Variants in ZNF350 observed in about 807,000 individuals in gnomAD.
ZNF350 encodes zinc finger protein 350.
ZNF350 carries 5 observed loss-of-function variants against 13.1 expected under a neutral mutation model. The observed-to-expected ratio is 0.38, with a 90% CI of 0.20 to 0.80. The LOEUF (loss-of-function observed/expected upper bound fraction) is 0.80. ZNF350 is among the 30% of genes least tolerant of loss of function. The probability of loss-of-function intolerance (pLI) is 0.43; values close to 1 mark genes in which losing one functional copy is unlikely to be tolerated. For synonymous variants in ZNF350, 199 were observed against 224.2 expected, an observed-to-expected ratio of 0.89 and a Z score of 1.00; for missense variants, 534 against 644.2, an observed-to-expected ratio of 0.83 and a Z score of 1.85.
chr19:51,969,252 T>A (rs1213475372), intron 2 of ZNF350, 121 bp from the exon 3 acceptor site: 13 of 1,171,516 alleles, frequency 1.1e-5, no homozygotes, highest in Non-Finnish European at 1.5e-5. Context: ...GTTTTTTTTT[T>A]AATACAATGT....
At chr19:51,969,653 A>AC (rs1249635724) in intron 2 of ZNF350, among the ~76,000 whole-genome samples, 1 of 151,830 alleles carries the variant, frequency 6.6e-6, no homozygotes, top group Non-Finnish European at 1.5e-5. Flanking sequence ...GCAACATGAG[A>AC]CCCCATCTGT....
chr19:51,972,777 G>A (rs982234169), intron 2 of ZNF350, among the ~76,000 whole-genome samples: 1 of 151,882 alleles, frequency 6.6e-6, no homozygotes, highest in African/African-American at 2.4e-5. Flanking sequence ...TACAGAAGTG[G>A]ATTAGGAAGA....
At chr19:51,975,926 C>A (rs537730093) in intron 1 of ZNF350, among the ~76,000 whole-genome samples, 4 of 152,212 alleles carry the variant, frequency 2.6e-5, no homozygotes, top group Non-Finnish European at 4.4e-5. Context: ...CTCAGCATTC[C>A]ACTGGAGGCT....
At chr19:51,982,678 A>C (rs1031900034) in intron 1 of ZNF350, among the ~76,000 whole-genome samples, 2 of 152,300 alleles carry the variant, frequency 1.3e-5, no homozygotes, top group Middle Eastern at 3.4e-3. Context: ...AATAGCTATA[A>C]ACTTTTTTTT....
intron 4 of ZNF350, 43 bp downstream of exon 4, chr19:51,968,535 A>G (rs1266835140): frequency 6.4e-7 from 1 of 1,563,964 alleles, no homozygotes; most frequent in Non-Finnish European, 8.8e-7. Context: ...CTGACTGTCT[A>G]GAATGTGACT....
chr19:51,974,515 T>G lies in ZNF350; in HGVS notation c.-155A>C, dbSNP rs1392010459. 5.8e-6 allele frequency: 5 copies of G among 864,886 alleles called. No homozygotes were observed. Among genetic ancestry groups the G allele is most frequent in the Non-Finnish European group, 9.1e-6 (5 of 549,382 alleles). 53.6% of individuals were successfully genotyped at this position (864,886 alleles called of 1,614,324 possible). A position where few individuals can be genotyped will look rare whatever the true frequency, so the allele number is the denominator to read the frequency against. On this transcript the variant is annotated 5_prime_UTR_variant, in exon 2 of 5. Coordinates refer to ENST00000243644, the MANE Select transcript of ZNF350 (RefSeq NM_021632.4). Reference sequence around the variant, plus strand: ...TCCCTCTTCAGGTTATGTTTTTTGCTCCTGAGGAGTCAGAACCTGTGGGTT... The same window carrying G: ...TCCCTCTTCAGGTTATGTTTTTTGCGCCTGAGGAGTCAGAACCTGTGGGTT...
intron 1 of ZNF350, among the ~76,000 whole-genome samples, chr19:51,975,429 T>TTAAAAA (rs377330317): frequency 1.1e-5 from 1 of 88,994 alleles, no homozygotes; most frequent in African/African-American, 4.9e-5. Context: ...AACCTCGTCT[T>TTAAAAA]AAAAAAAAAA....
intron 4 of ZNF350, among the ~76,000 whole-genome samples, chr19:51,966,671 G>A (rs151104822): frequency 1.0e-4 from 15 of 148,604 alleles, no homozygotes; most frequent in Admixed American, 4.7e-4. Context: ...TTTTGGGGAC[G>A]GAGTCTCACT....
At chr19:51,966,270 GTGGTTTTTT>G in intron 4 of ZNF350, 56 bp from the exon 5 acceptor site, 1 of 1,477,408 alleles carries the variant, frequency 6.8e-7, no homozygotes, top group South Asian at 1.5e-5. Flanking sequence ...AAAGTTTGTT[GTGGTTTTTT>G]TGTTTTTTTT....
At chr19:51,968,716 G>A (rs937116335) in intron 3 of ZNF350, 43 bp from the exon 4 acceptor site, 4 of 1,575,672 alleles carry the variant, frequency 2.5e-6, no homozygotes, top group South Asian at 1.1e-5. Context: ...TATCAAATTG[G>A]GCTGGCAATG....
At chr19:51,975,429 TAAAA>T (rs202054246) in intron 1 of ZNF350, among the ~76,000 whole-genome samples, 1 of 88,992 alleles carries the variant, frequency 1.1e-5, no homozygotes, top group African/African-American at 4.9e-5. Context: ...AACCTCGTCT[TAAAA>T]AAAAAAAAAA....
chr19:51,969,702 G>A (rs1219943363), intron 2 of ZNF350, among the ~76,000 whole-genome samples: 1 of 152,122 alleles, frequency 6.6e-6, no homozygotes. Flanking sequence ...AGTGGTGAGT[G>A]CCTGTGGTCC....
At chr19:51,981,257 A>ACCCCCCC (rs35435027) in intron 1 of ZNF350, 4 of 147,068 alleles carry the variant, frequency 2.7e-5, no homozygotes, top group African/African-American at 7.6e-5. Context: ...CCCTTCTTCC[A>ACCCCCCC]CCCCCCCACC....
At position 51,964,573 on chromosome 19, in the gene ZNF350, C is replaced by T. The variant is rs1599921633; in HGVS notation, c.*281G>A. ...TTCAGTCACTGCAACACTCCCGACACCAATTATCTCATCTGTTTTAAAAAT... is the reference window on the plus strand; with the variant it reads ...TTCAGTCACTGCAACACTCCCGACATCAATTATCTCATCTGTTTTAAAAAT... On this transcript the variant is annotated 3_prime_UTR_variant, in exon 5 of 5. Coordinates refer to ENST00000243644, the MANE Select transcript of ZNF350 (RefSeq NM_021632.4). 2.2e-6 allele frequency: 1 copy of T among 451,820 alleles called. No homozygotes were observed. The highest frequency in any genetic ancestry group is 3.9e-5 in the East Asian group (1 of 25,908). 28.0% of individuals were successfully genotyped at this position (451,820 alleles called of 1,614,324 possible). A position where few individuals can be genotyped will look rare whatever the true frequency, so the allele number is the denominator to read the frequency against.
Position 51,964,942 on chromosome 19 carries a change from G to A in ZNF350, c.1511C>T (p.Ala504Val), listed in dbSNP as rs767058754. 8 of 1,614,172 alleles carry A rather than the reference G, an allele frequency of 5.0e-6. No homozygotes were observed. The highest frequency in any genetic ancestry group is 5.1e-6 in the Non-Finnish European group (6 of 1,180,032). Residue 504 changes from alanine (A) to valine (V), a missense_variant, in exon 5 of 5, where the codon GCA becomes GTA. Transcript: ENST00000243644. Reference sequence around the variant, plus strand: ...TGCATTCACAAGGTTTCTGTCCTGTGCAAATCCTCTGTTATCTCCTGAGGC... The same window carrying A: ...TGCATTCACAAGGTTTCTGTCCTGTACAAATCCTCTGTTATCTCCTGAGGC... Reference protein sequence around the residue: ...CAASGDNRGFAQDRNLVNAVN... With the variant: ...CAASGDNRGFVQDRNLVNAVN...
chr19:51,978,085 G>C (rs1433754056), intron 1 of ZNF350, among the ~76,000 whole-genome samples: 2 of 152,156 alleles, frequency 1.3e-5, no homozygotes, highest in African/African-American at 4.8e-5. Context: ...ACCCAGTGCT[G>C]CTCAAAATTT....
rs754979328 is a variant in ZNF350 at position 51,974,400 on chromosome 19, T to A, written c.-40A>T. ...GGAAGACAGCATTCAACTGGGATGG[T>A]CTGTCTTTGTATCTTCTGGCCTTCT... On this transcript the variant is annotated 5_prime_UTR_variant, in exon 2 of 5. Coordinates refer to ENST00000243644, the MANE Select transcript of ZNF350 (RefSeq NM_021632.4). The A allele has an allele frequency of 1.1e-5, 17 of 1,612,674 alleles. No homozygotes were observed. Among genetic ancestry groups the A allele is most frequent in the Non-Finnish European group, 1.3e-5 (15 of 1,179,092 alleles).
At chr19:51,983,937 G>GC (rs1429015808) in intron 1 of ZNF350, 1 of 152,202 alleles carries the variant, frequency 6.6e-6, no homozygotes, top group Non-Finnish European at 1.5e-5. Flanking sequence ...GGAGGGGCAG[G>GC]CCCCCTTCAG....
Position 51,965,053 on chromosome 19 carries a change from A to G in ZNF350, c.1400T>C (p.Val467Ala). ...GATGTTTAATGATGTCTGAGGGGCC[A>G]CAGAAGGCACTTGTGTAGTCGCCCC... is the stretch of plus-strand genomic sequence containing the variant. ...ANGATTQVPSVAPQTSLNISG... is the reference protein window; with the variant it reads ...ANGATTQVPSAAPQTSLNISG... The change falls in exon 5 of 5, where the codon GTG becomes GCG. Residue 467 changes from valine to alanine, a missense_variant. By Grantham distance (64) the Val-to-Ala change is moderately conservative. Coordinates refer to ENST00000243644, the MANE Select transcript of ZNF350 (RefSeq NM_021632.4). 6.2e-7 allele frequency: 1 copy of G among 1,614,162 alleles called. No homozygotes were observed. Among genetic ancestry groups the G allele is most frequent in the Non-Finnish European group, 8.5e-7 (1 of 1,180,030 alleles).
Sources: gnomAD v4.1 joint callset for allele counts (sites outside exome capture counted in the v4.1 genomes callset) on GRCh38, gnomAD v4.1.1 for gene constraint, MANE v1.5 for transcripts, NCBI Gene and HGNC (gene_info 2026-07-23, HGNC 2026-07-21) for gene names.